Variants in CCDC180 observed in about 807,000 individuals in gnomAD.
CCDC180 encodes the protein coiled-coil domain-containing protein 180.
In CCDC180, 154 loss-of-function variants were observed where a neutral mutation model predicts 209.2. That is an observed-to-expected ratio of 0.74 (90% CI 0.65 to 0.84). The LOEUF (loss-of-function observed/expected upper bound fraction) is 0.84. Among genes scored for constraint, CCDC180 ranks in the 40% least tolerant of loss-of-function variants. The pLI, the probability that CCDC180 is intolerant of heterozygous loss-of-function variation, is 0.00. For synonymous variants in CCDC180, 778 were observed against 749.1 expected (o/e 1.04, Z -0.63); for missense variants, 1,874 against 1,997.3 (o/e 0.94, Z 1.18).
At chr9:97,339,062 G>A (rs1825997177) in intron 18 of CCDC180, among the ~76,000 whole-genome samples, 1 of 152,086 alleles carries the variant, frequency 6.6e-6, no homozygotes, top group African/African-American at 2.4e-5. Context: ...CTCTGCACGT[G>A]AGATAGGTCT....
rs192490678 is a variant in CCDC180 at position 97,318,432 on chromosome 9, C to T, written c.960-31C>T. On this transcript the variant is annotated intron_variant, in intron 9 of 36. Transcript: ENST00000529487. ...CACTCCTGCCCTGCTCCTCCTCTCC[C>T]CTTTATGGTGCCAACATGTCTGGCC... 2.3e-5 allele frequency: 37 copies of T among 1,611,370 alleles called. No homozygotes were observed. The Admixed American group carries it at 6.2e-4, about 27-fold the overall frequency.
At chr9:97,323,644 A>C in intron 12 of CCDC180, 137 bp from the exon 13 acceptor site, 38 of 1,003,688 alleles carry the variant, frequency 3.8e-5, no homozygotes, top group East Asian at 1.2e-4. Flanking sequence ...CCTAAGGGGA[A>C]CAGAATTCAT....
At chr9:97,370,481 C>T (rs187050911) in intron 32 of CCDC180, among the ~76,000 whole-genome samples, 160 bp from the exon 33 acceptor site, 1 of 152,056 alleles carries the variant, frequency 6.6e-6, no homozygotes, top group East Asian at 1.9e-4. Context: ...TAGCCATGCC[C>T]CCCTCTTAAC....
intron 18 of CCDC180, among the ~76,000 whole-genome samples, chr9:97,335,835 A>C (rs566609182): frequency 9.2e-5 from 14 of 152,216 alleles, no homozygotes; most frequent in Middle Eastern, 6.8e-3. Flanking sequence ...CCTCTCCAGC[A>C]CCTGTTGTTT....
chr9:97,376,910 T>A lies in CCDC180; in HGVS notation c.*16T>A. 6.2e-7 allele frequency: 1 copy of A among 1,606,352 alleles called. No individual in the cohort carries two copies. The highest frequency in any genetic ancestry group is 8.5e-7 in the Non-Finnish European group (1 of 1,177,980). On this transcript the variant is annotated 3_prime_UTR_variant, in exon 37 of 37. Transcript: ENST00000529487. ...GTATGTGTGACCCTCCGCCCCACCATGAATAAACACTTTCTTATACAGACT... is the reference window on the plus strand; with the variant it reads ...GTATGTGTGACCCTCCGCCCCACCAAGAATAAACACTTTCTTATACAGACT...
rs1463712380 is a variant in CCDC180 at position 97,309,672 on chromosome 9, A to G, written c.260+68A>G. ...CCTGAGCCTTCAAAAACTCAAAAAG[A>G]GCCAGCACAAGATGAGTAGCCTGTA... is the stretch of plus-strand genomic sequence containing the variant. On this transcript the variant is annotated intron_variant, in intron 3 of 36. Transcript: ENST00000529487. 4.1e-5 allele frequency: 54 copies of G among 1,311,568 alleles called. No homozygotes were observed. In the East Asian group the frequency reaches 1.4e-3, roughly 34 times the overall value. The allele number at this position is 1,311,568 out of a possible 1,614,324, so 81.2% of individuals were successfully genotyped here.
At chr9:97,364,271 C>G in intron 29 of CCDC180, 143 bp downstream of exon 29, 1 of 671,840 alleles carries the variant, frequency 1.5e-6, no homozygotes. Flanking sequence ...ATAGCAAGGT[C>G]AAGGTCAGTT....
intron 13 of CCDC180, 111 bp downstream of exon 13, chr9:97,324,014 T>A: frequency 2.3e-6 from 3 of 1,300,344 alleles, no homozygotes; most frequent in African/African-American, 1.5e-5. Context: ...TCCTAGTGTG[T>A]CCGCTCACCC....
intron 11 of CCDC180, 137 bp downstream of exon 11, chr9:97,320,342 G>A (rs1833319314): frequency 2.5e-6 from 2 of 795,002 alleles, no homozygotes; most frequent in East Asian, 2.5e-5. Context: ...AGTGAGCTCT[G>A]AGGGCTCAAA....
chr9:97,371,655 T>G lies in CCDC180; in HGVS notation c.4549T>G (p.Phe1517Val). The change falls in exon 34 of 37, where the codon TTC becomes GTC. Residue 1517 changes from phenylalanine (F) to valine (V), a missense_variant. Phe to Val is a conservative substitution (Grantham distance 50, BLOSUM62 -1). Transcript: ENST00000529487. ...ITNLATFTEK[F>V]LLQLDEVVTI... The stretch of plus-strand genomic sequence containing the variant: ...CAACTTGGCCACCTTCACCGAGAAG[T>G]TCCTACTGCAGTTGGATGAGGTGGT... 6.2e-7 allele frequency: 1 copy of G among 1,606,968 alleles called. No individual in the cohort carries two copies. The highest frequency in any genetic ancestry group is 1.1e-5 in the South Asian group (1 of 90,620).
chr9:97,319,913 A>T (rs1833301112), intron 10 of CCDC180, among the ~76,000 whole-genome samples: 1 of 152,158 alleles, frequency 6.6e-6, no homozygotes, highest in African/African-American at 2.4e-5. Flanking sequence ...TTCTTTTCTT[A>T]TCTAAGTAAC....
At chr9:97,374,731 T>A in intron 35 of CCDC180, 83 bp downstream of exon 35, 1 of 1,108,592 alleles carries the variant, frequency 9.0e-7, no homozygotes, top group Non-Finnish European at 1.3e-6. Context: ...GGGCTTGGAC[T>A]CTGAAGTCAG....
upstream of CCDC180, chr9:97,307,560 C>G: frequency 1.6e-6 from 1 of 638,040 alleles, no homozygotes; most frequent in Non-Finnish European, 2.8e-6. Flanking sequence ...AGGTTACTCT[C>G]TCCCTCCAAT....
intron 19 of CCDC180, chr9:97,345,557 TTCTG>T (rs1386457911): frequency 4.9e-6 from 2 of 410,544 alleles, no homozygotes; most frequent in Non-Finnish European, 9.3e-6. Context: ...CTGGTCGATT[TTCTG>T]TCTTTTTTTT....
intron 19 of CCDC180, chr9:97,345,457 TATG>T (rs1431227212): frequency 6.0e-6 from 2 of 332,676 alleles, no homozygotes; most frequent in Non-Finnish European, 1.1e-5. Flanking sequence ...TCCTGATGAG[TATG>T]ATATTGTATA....
chr9:97,311,619 G>T (rs1292701984), intron 3 of CCDC180, among the ~76,000 whole-genome samples: 1 of 152,188 alleles, frequency 6.6e-6, no homozygotes, highest in Non-Finnish European at 1.5e-5. Flanking sequence ...GTGTCACAAG[G>T]ATTGATCTTG....
At chr9:97,353,646 C>T (rs563468623) in intron 22 of CCDC180, among the ~76,000 whole-genome samples, 1 of 152,276 alleles carries the variant, frequency 6.6e-6, no homozygotes, top group South Asian at 2.1e-4. Context: ...CACTACCTAC[C>T]CAGGACCAAT....
chr9:97,366,847 T>C lies in CCDC180; in HGVS notation c.4189+147T>C, dbSNP rs1826938284. ...GAAAAGCTGACCTCTTAAAATTAGGTAAAAACAATAATCAGATTTTACTGG... is the reference window on the plus strand; with the variant it reads ...GAAAAGCTGACCTCTTAAAATTAGGCAAAAACAATAATCAGATTTTACTGG... On this transcript the variant is annotated intron_variant, in intron 31 of 36. Transcript: ENST00000529487. This position sits in a 1 kb window ranked among gnomAD's most constrained non-coding sequence, Gnocchi z 4.3. The C allele has an allele frequency of 5.0e-6, 4 of 802,614 alleles. No individual in the cohort carries two copies. The highest frequency in any genetic ancestry group is 3.6e-5 in the Admixed American group (1 of 27,900). 49.7% of individuals were successfully genotyped at this position (802,614 alleles called of 1,614,324 possible).
chr9:97,354,516 T>G, intron 22 of CCDC180, 53 bp from the exon 23 acceptor site: 4 of 1,587,364 alleles, frequency 2.5e-6, no homozygotes, highest in Non-Finnish European at 3.5e-6. Context: ...TTGGGATAGA[T>G]GAGAACTCTT....
Sources: gnomAD v4.1 joint callset for allele counts (sites outside exome capture counted in the v4.1 genomes callset) on GRCh38, gnomAD v4.1.1 for gene constraint, Gnocchi (gnomAD v3.1) non-coding constraint, MANE v1.5 for transcripts, NCBI Gene and HGNC (gene_info 2026-07-23, HGNC 2026-07-21) for gene names.